Variants in HPSE2 observed in about 807,000 individuals in gnomAD.
The protein encoded by HPSE2 is heparanase 2 (inactive), also known as inactive heparanase-2.
Under a neutral mutation model 60.5 loss-of-function variants are expected in HPSE2, and 38 were observed. The observed-to-expected ratio is 0.63, with a 90% confidence interval of 0.48 to 0.82. The LOEUF is 0.82. Ranked by LOEUF, HPSE2 falls within the 40% of genes least tolerant of loss-of-function variation. HPSE2 has a pLI of 0.00. For missense variants in HPSE2, 713 were observed against 740.4 expected (o/e 0.96, Z 0.43); for synonymous variants, 295 against 293.2 (o/e 1.01, Z -0.06).
At chr10:99,294,148 T>C in the HPSE2 span, among the ~76,000 whole-genome samples, 1 of 151,906 alleles carries the variant, frequency 6.6e-6, no homozygotes, top group Admixed American at 6.6e-5. Flanking sequence ...TCTAATAAGA[T>C]TGCACCTAAA....
At chr10:98,958,628 A>G (rs1235293801) in intron 3 of HPSE2, among the ~76,000 whole-genome samples, 1 of 152,104 alleles carries the variant, frequency 6.6e-6, no homozygotes, top group African/African-American at 2.4e-5. Flanking sequence ...TTCTTTAACT[A>G]AAGATTAAAT....
chr10:98,718,993 T>C (rs936251369), intron 5 of HPSE2, among the ~76,000 whole-genome samples: 10 of 152,224 alleles, frequency 6.6e-5, no homozygotes, highest in Admixed American at 3.3e-4. Context: ...GTACAACAAA[T>C]ACGTACGATT....
At chr10:98,619,260 G>A (rs1946006977) in intron 8 of HPSE2, among the ~76,000 whole-genome samples, 1 of 152,166 alleles carries the variant, frequency 6.6e-6, no homozygotes, top group Non-Finnish European at 1.5e-5. Flanking sequence ...AAGGCCATAG[G>A]ACTGTACTGG....
Position 98,473,897 on chromosome 10 carries a change from G to C in HPSE2, c.1613+8739C>G, listed in dbSNP as rs540917091. On this transcript the variant is annotated intron_variant, in intron 11 of 11. Transcript: ENST00000370552. ...ACAGAAACTGAAAAGCTTTTTGTCG[G>C]GGATGTTATAGAAGAAACCTCTTGA... Among the ~76,000 whole-genome samples, 6 of 152,246 alleles carry C rather than the reference G, an allele frequency of 3.9e-5. No individual in the cohort carries two copies. The South Asian group carries it at 1.2e-3, about 32-fold the overall frequency.
At chr10:99,001,082 T>C (rs1047504093) in intron 3 of HPSE2, among the ~76,000 whole-genome samples, 3 of 152,138 alleles carry the variant, frequency 2.0e-5, no homozygotes, top group Non-Finnish European at 4.4e-5. Context: ...ATGTTTATTA[T>C]CTGAAATAAA....
At chr10:98,570,440 T>A (rs1944462438) in intron 9 of HPSE2, among the ~76,000 whole-genome samples, 1 of 117,288 alleles carries the variant, frequency 8.5e-6, no homozygotes, top group African/African-American at 2.9e-5. Context: ...TAAGAGGAAG[T>A]GTTTTTGTGG....
chr10:98,771,323 T>C (rs967059362), intron 3 of HPSE2, among the ~76,000 whole-genome samples: 2 of 152,138 alleles, frequency 1.3e-5, no homozygotes, highest in Non-Finnish European at 2.9e-5. Context: ...CCCTGAAATA[T>C]GAGATAGGCC....
intron 3 of HPSE2, among the ~76,000 whole-genome samples, chr10:98,823,928 C>T (rs529497282): frequency 2.0e-4 from 31 of 152,218 alleles, no homozygotes; most frequent in African/African-American, 7.2e-4. Flanking sequence ...GCTTTTCAAT[C>T]AACATTTACC....
intron 3 of HPSE2, among the ~76,000 whole-genome samples, chr10:99,097,256 G>A (rs576074215): frequency 3.3e-5 from 5 of 152,172 alleles, no homozygotes; most frequent in Non-Finnish European, 7.4e-5. Flanking sequence ...CTACTATAAG[G>A]TAACAAAGAA....
chr10:99,024,600 A>G (rs1957335364), intron 3 of HPSE2, among the ~76,000 whole-genome samples: 1 of 152,146 alleles, frequency 6.6e-6, no homozygotes, highest in South Asian at 2.1e-4. Context: ...ATTTAACCCA[A>G]AGAAGACTAC....
intron 7 of HPSE2, among the ~76,000 whole-genome samples, chr10:98,622,261 A>T (rs551925485): frequency 6.6e-6 from 1 of 152,312 alleles, no homozygotes; most frequent in South Asian, 2.1e-4. Flanking sequence ...TTACTTATAA[A>T]ATTGCTCATT....
At chr10:98,994,571 G>C (rs1783477015) in intron 3 of HPSE2, among the ~76,000 whole-genome samples, 1 of 152,234 alleles carries the variant, frequency 6.6e-6, no homozygotes, top group Non-Finnish European at 1.5e-5. Context: ...TCTTGTCCTA[G>C]ATATGCATAG....
chr10:98,817,144 C>T (rs1460192438), intron 3 of HPSE2, among the ~76,000 whole-genome samples: 13 of 152,150 alleles, frequency 8.5e-5, no homozygotes, highest in South Asian at 2.1e-4. Flanking sequence ...AGGCTTTTAG[C>T]CTGTGTGGAA....
At chr10:98,759,861 G>A (rs898525238) in intron 3 of HPSE2, among the ~76,000 whole-genome samples, 1 of 152,022 alleles carries the variant, frequency 6.6e-6, no homozygotes, top group South Asian at 2.1e-4. Context: ...GAATTGCATT[G>A]AATCTGTAGA....
intron 3 of HPSE2, among the ~76,000 whole-genome samples, chr10:98,875,497 T>C (rs556063069): frequency 7.9e-5 from 12 of 151,994 alleles, no homozygotes; most frequent in Admixed American, 2.0e-4. Context: ...AATCCCTGAA[T>C]AGACCGATAA....
intron 3 of HPSE2, among the ~76,000 whole-genome samples, chr10:98,853,396 T>C (rs1429728286): frequency 6.6e-6 from 1 of 152,200 alleles, no homozygotes; most frequent in Non-Finnish European, 1.5e-5. Context: ...TAATCCCAGT[T>C]CTCCCAGTCA....
intron 2 of HPSE2, among the ~76,000 whole-genome samples, chr10:99,196,359 G>A (rs1202964995): frequency 6.6e-6 from 1 of 151,910 alleles, no homozygotes; most frequent in East Asian, 1.9e-4. Context: ...GAATACCCTG[G>A]ATCACATCAA....
At chr10:99,273,753 C>A in the HPSE2 span, among the ~76,000 whole-genome samples, 1 of 152,128 alleles carries the variant, frequency 6.6e-6, no homozygotes, top group African/African-American at 2.4e-5. Flanking sequence ...GATGGATAGA[C>A]AAACAGATGC....
At chr10:98,624,857 C>A (rs367798210) in intron 7 of HPSE2, among the ~76,000 whole-genome samples, 2 of 152,148 alleles carry the variant, frequency 1.3e-5, no homozygotes, top group South Asian at 2.1e-4. Context: ...ACAGAACTAG[C>A]AGATAAACAT....
Sources: gnomAD v4.1 joint callset for allele counts (sites outside exome capture counted in the v4.1 genomes callset) on GRCh38, gnomAD v4.1.1 for gene constraint, MANE v1.5 for transcripts, NCBI Gene and HGNC (gene_info 2026-07-23, HGNC 2026-07-21) for gene names.